SYNE1: variants seen among roughly 807,000 people sequenced by gnomAD.
SYNE1 encodes spectrin repeat containing nuclear envelope protein 1.
SYNE1 carries 616 observed loss-of-function variants against 1,111.0 expected under a neutral mutation model. The observed-to-expected ratio is 0.55, with a 90% confidence interval of 0.52 to 0.59. SYNE1 has a LOEUF of 0.59. Ranked by LOEUF, SYNE1 falls within the 20% of genes least tolerant of loss-of-function variation. The probability of loss-of-function intolerance (pLI) is 0.00; values close to 1 mark genes in which losing one functional copy is unlikely to be tolerated. For missense variants in SYNE1, 10,006 were observed against 10,417.0 expected (o/e 0.96, Z 1.72); for synonymous variants, 3,855 against 3,825.8 (o/e 1.01, Z -0.28).
intron 131 of SYNE1, among the ~76,000 whole-genome samples, chr6:152,161,532 C>T (rs2062501691): frequency 6.6e-6 from 1 of 151,860 alleles, no homozygotes; most frequent in African/African-American, 2.4e-5. Context: ...AATGCAAAAC[C>T]TCTCATTTCT....
At chr6:152,304,954 G>A (rs1002707476) in intron 91 of SYNE1, among the ~76,000 whole-genome samples, 2 of 152,188 alleles carry the variant, frequency 1.3e-5, no homozygotes, top group Non-Finnish European at 2.9e-5. Context: ...TTCTGTAAGT[G>A]TAAACCTCTT....
chr6:152,138,373 T>A (rs1350262270), intron 140 of SYNE1, among the ~76,000 whole-genome samples: 3 of 151,850 alleles, frequency 2.0e-5, no homozygotes, highest in African/African-American at 7.3e-5. Flanking sequence ...TAGCCGGGCA[T>A]GGTGGTGCAT....
chr6:152,239,465 C>T, intron 108 of SYNE1, 68 bp downstream of exon 108: 1 of 1,590,724 alleles, frequency 6.3e-7, no homozygotes, highest in South Asian at 1.1e-5. Flanking sequence ...ATAGATACAT[C>T]TTGCATTAAA....
At chr6:152,368,817 A>G (rs2097129111) in intron 61 of SYNE1, 155 bp downstream of exon 61, 1 of 893,658 alleles carries the variant, frequency 1.1e-6, no homozygotes, top group Admixed American at 1.8e-5. Flanking sequence ...CTCAGATTGC[A>G]AGGCTAAGGA....
intron 47 of SYNE1, among the ~76,000 whole-genome samples, chr6:152,400,221 T>TAA (rs77663853): frequency 3.5e-5 from 5 of 144,114 alleles, no homozygotes; most frequent in Non-Finnish European, 6.1e-5. Flanking sequence ...GTAGTTAATT[T>TAA]AAAAAAAAAA....
At chr6:152,193,370 T>C (rs1473407814) in intron 127 of SYNE1, among the ~76,000 whole-genome samples, 1 of 152,246 alleles carries the variant, frequency 6.6e-6, no homozygotes, top group Non-Finnish European at 1.5e-5. Context: ...GTAAAAACTC[T>C]ACACTTTAAC....
chr6:152,376,106 T>C, intron 58 of SYNE1: 1 of 388,546 alleles, frequency 2.6e-6, no homozygotes, highest in Non-Finnish European at 4.8e-6. Context: ...AGTTAGATTC[T>C]TAGAAGGAGC....
At position 152,303,380 on chromosome 6, in the gene SYNE1, G is replaced by A. The variant is rs1461625808; in HGVS notation, c.17347-1317C>T. On this transcript the variant is annotated intron_variant, in intron 91 of 145. Coordinates refer to ENST00000367255, the MANE Select transcript of SYNE1 (RefSeq NM_182961.4). Reference sequence around the variant, plus strand: ...ATTGTGCCACTGTACTCCAGCCTGGGCAACAGAGTGAGACTCTGTCTCAAA... The same window carrying A: ...ATTGTGCCACTGTACTCCAGCCTGGACAACAGAGTGAGACTCTGTCTCAAA... Among the ~76,000 whole-genome samples the A allele has an allele frequency of 4.1e-5, 6 of 144,898 alleles. No individual in the cohort carries two copies. In the East Asian group the frequency reaches 1.2e-3, roughly 29 times the overall value.
intron 100 of SYNE1, among the ~76,000 whole-genome samples, chr6:152,267,470 G>A (rs976750062): frequency 6.6e-6 from 1 of 152,142 alleles, no homozygotes; most frequent in Non-Finnish European, 1.5e-5. Context: ...GACCTTCGTG[G>A]AACTAGAATA....
chr6:152,601,903 C>T (rs1257036988), intron 3 of SYNE1, among the ~76,000 whole-genome samples: 1 of 152,196 alleles, frequency 6.6e-6, no homozygotes. Context: ...GAAATTCATC[C>T]CCGGGGTTCA....
At chr6:152,631,179 A>C (rs115817359) in intron 2 of SYNE1, among the ~76,000 whole-genome samples, 1 of 152,346 alleles carries the variant, frequency 6.6e-6, no homozygotes, top group East Asian at 1.9e-4. Flanking sequence ...TGTTCTGGAA[A>C]GGTGTCCTTC....
intron 91 of SYNE1, among the ~76,000 whole-genome samples, chr6:152,306,242 T>C (rs2153825083): frequency 6.6e-6 from 1 of 152,236 alleles, no homozygotes; most frequent in South Asian, 2.1e-4. Flanking sequence ...TCCCAACACT[T>C]TGGGAGGCCA....
chr6:152,477,513 C>T (rs1045341210), intron 14 of SYNE1, among the ~76,000 whole-genome samples: 58 of 152,230 alleles, frequency 3.8e-4, no homozygotes, highest in African/African-American at 1.3e-3. Context: ...ATATGCTTGC[C>T]TGTTTGATGT....
chr6:152,156,524 T>C (rs2061402817), intron 131 of SYNE1, among the ~76,000 whole-genome samples: 1 of 152,228 alleles, frequency 6.6e-6, no homozygotes, highest in African/African-American at 2.4e-5. Flanking sequence ...TCCTTGATAT[T>C]GAATGCTGTA....
intron 59 of SYNE1, among the ~76,000 whole-genome samples, chr6:152,371,498 T>C (rs1177015789): frequency 2.7e-5 from 4 of 148,464 alleles, no homozygotes; most frequent in African/African-American, 1.0e-4. Flanking sequence ...CCTTATAACA[T>C]CGTGAGAATG....
intron 84 of SYNE1, among the ~76,000 whole-genome samples, chr6:152,320,564 T>C (rs2095847985): frequency 1.3e-5 from 2 of 152,140 alleles, no homozygotes; most frequent in Non-Finnish European, 2.9e-5. Flanking sequence ...TTTGAGCCTA[T>C]TTTCACTACA....
intron 22 of SYNE1, among the ~76,000 whole-genome samples, 186 bp downstream of exon 22, chr6:152,458,571 T>C (rs568276013): frequency 7.9e-5 from 12 of 152,180 alleles, no homozygotes; most frequent in Non-Finnish European, 1.6e-4. Flanking sequence ...ACAGCTCACA[T>C]AGCCCCTGCA....
In SYNE1 at chr6:152,607,643, G is replaced by A. The variant is rs151035690; in HGVS notation, c.67+20622C>T. 2.3e-3 allele frequency among the ~76,000 whole-genome samples: 347 copies of A among 152,154 alleles called. 5 individuals are homozygous for A. The highest frequency in any genetic ancestry group is 2.1e-3 in the South Asian group (10 of 4,824). ...GAAGACAGTGTGGTGATTCCTCAAG[G>A]AATCAGAAATACCATTTGACCCAAC... On this transcript the variant is annotated intron_variant, in intron 3 of 145. Transcript: ENST00000367255.
At chr6:152,624,569 T>C (rs2099682218) in intron 3 of SYNE1, among the ~76,000 whole-genome samples, 1 of 152,200 alleles carries the variant, frequency 6.6e-6, no homozygotes, top group Non-Finnish European at 1.5e-5. Flanking sequence ...ACTAATTATG[T>C]GCATTTAAAG....
Sources: gnomAD v4.1 joint callset for allele counts (sites outside exome capture counted in the v4.1 genomes callset) on GRCh38, gnomAD v4.1.1 for gene constraint, MANE v1.5 for transcripts, NCBI Gene and HGNC (gene_info 2026-07-23, HGNC 2026-07-21) for gene names.